Variants in GRID2 observed in about 807,000 individuals in gnomAD.
GRID2 encodes the protein glutamate ionotropic receptor delta type subunit 2, also known as glutamate receptor ionotropic, delta-2.
Under a neutral mutation model 114.8 loss-of-function variants are expected in GRID2, and 33 were observed. That is an observed-to-expected ratio of 0.29 (90% confidence interval 0.22 to 0.38). The LOEUF (loss-of-function observed/expected upper bound fraction) is 0.38. Ranked by LOEUF, GRID2 falls within the 10% of genes least tolerant of loss-of-function variation. The pLI is 1.00. For synonymous variants in GRID2, 505 were observed against 449.9 expected, an observed-to-expected ratio of 1.12 and a Z score of -1.55; for missense variants, 1,184 against 1,257.7, an observed-to-expected ratio of 0.94 and a Z score of 0.89.
intron 2 of GRID2, among the ~76,000 whole-genome samples, chr4:92,793,742 T>C (rs1739708297): frequency 6.6e-6 from 1 of 151,882 alleles, no homozygotes; most frequent in Non-Finnish European, 1.5e-5. Context: ...TTGGGCATGC[T>C]CTACCACTTT....
intron 2 of GRID2, among the ~76,000 whole-genome samples, chr4:92,711,225 G>T (rs1244726309): frequency 2.0e-5 from 3 of 152,086 alleles, no homozygotes; most frequent in Non-Finnish European, 4.4e-5. Context: ...ACATGCTAAT[G>T]GCAATTCATT....
chr4:92,683,006 T>A (rs764744698), intron 2 of GRID2, among the ~76,000 whole-genome samples: 6 of 152,068 alleles, frequency 3.9e-5, no homozygotes, highest in Non-Finnish European at 8.8e-5. Flanking sequence ...TTTAAAAATA[T>A]TCTAGTTAAT....
chr4:93,606,779 G>A (rs369356284), intron 13 of GRID2, among the ~76,000 whole-genome samples: 1 of 152,142 alleles, frequency 6.6e-6, no homozygotes, highest in African/African-American at 2.4e-5. Flanking sequence ...AAGCAACTAT[G>A]AGCATGTAAT....
intron 2 of GRID2, among the ~76,000 whole-genome samples, chr4:92,614,858 G>T (rs908144022): frequency 1.3e-5 from 2 of 150,248 alleles, no homozygotes; most frequent in South Asian, 4.2e-4. Flanking sequence ...GATTTGCCTC[G>T]CATATTTAGG....
chr4:93,728,740 A>G (rs908005106), intron 14 of GRID2, among the ~76,000 whole-genome samples: 5 of 152,068 alleles, frequency 3.3e-5, no homozygotes, highest in African/African-American at 1.2e-4. Flanking sequence ...CCATTATGTA[A>G]TGGCCTTCTT....
intron 2 of GRID2, among the ~76,000 whole-genome samples, chr4:92,945,474 C>G (rs1306079853): frequency 6.6e-6 from 1 of 152,066 alleles, no homozygotes; most frequent in Admixed American, 6.6e-5. Flanking sequence ...TTTTTTACAA[C>G]ATACTATTCA....
At chr4:93,093,435 G>T (rs926067177) in intron 3 of GRID2, among the ~76,000 whole-genome samples, 1 of 151,848 alleles carries the variant, frequency 6.6e-6, no homozygotes, top group African/African-American at 2.4e-5. Flanking sequence ...ATAGCGATAG[G>T]GATCTCTTTC....
intron 2 of GRID2, among the ~76,000 whole-genome samples, chr4:92,728,283 C>T (rs542869595): frequency 6.6e-6 from 1 of 152,176 alleles, no homozygotes; most frequent in South Asian, 2.1e-4. Flanking sequence ...CAGCTGAAAA[C>T]AACAAATATT....
At chr4:93,295,284 T>G (rs1426072486) in intron 8 of GRID2, among the ~76,000 whole-genome samples, 2 of 152,080 alleles carry the variant, frequency 1.3e-5, no homozygotes, top group African/African-American at 2.4e-5. Flanking sequence ...GAGTCTTGGA[T>G]TTTCCAACAT....
chr4:92,646,774 T>G, intron 2 of GRID2, among the ~76,000 whole-genome samples: 2 of 152,360 alleles, frequency 1.3e-5, no homozygotes, highest in South Asian at 4.1e-4. Context: ...ATTGCACCCA[T>G]TTTGTGAAAT....
At chr4:92,747,343 T>C (rs1737200177) in intron 2 of GRID2, among the ~76,000 whole-genome samples, 1 of 152,128 alleles carries the variant, frequency 6.6e-6, no homozygotes, top group Non-Finnish European at 1.5e-5. Context: ...AAATTGTTTT[T>C]ATTCAGGGAA....
At chr4:92,357,506 A>G (rs1290070910) in intron 1 of GRID2, among the ~76,000 whole-genome samples, 2 of 151,858 alleles carry the variant, frequency 1.3e-5, no homozygotes, top group Non-Finnish European at 2.9e-5. Flanking sequence ...AAGGATATAC[A>G]GTTGCTTTTG....
intron 2 of GRID2, among the ~76,000 whole-genome samples, chr4:92,820,379 A>T (rs1741198947): frequency 6.6e-6 from 1 of 152,192 alleles, no homozygotes; most frequent in Non-Finnish European, 1.5e-5. Context: ...CTTTAGATTT[A>T]AGCTGAAAGT....
intron 2 of GRID2, among the ~76,000 whole-genome samples, chr4:92,731,141 C>T (rs757389613): frequency 2.0e-5 from 3 of 151,792 alleles, no homozygotes; most frequent in Non-Finnish European, 4.4e-5. Context: ...ACATTTAATA[C>T]AACTTTGAGG....
At chr4:93,158,481 A>G (rs1470466688) in intron 4 of GRID2, among the ~76,000 whole-genome samples, 1 of 151,726 alleles carries the variant, frequency 6.6e-6, no homozygotes, top group African/African-American at 2.4e-5. Flanking sequence ...TATTAGGGCC[A>G]GGTACATATG....
chr4:93,278,094 T>C (rs559258836), intron 8 of GRID2, among the ~76,000 whole-genome samples: 3 of 151,974 alleles, frequency 2.0e-5, no homozygotes, highest in African/African-American at 4.8e-5. Flanking sequence ...ACATGGGCAG[T>C]ATATGGTCCT....
chr4:92,598,329 T>A (rs1321629943), intron 2 of GRID2, among the ~76,000 whole-genome samples: 1 of 152,166 alleles, frequency 6.6e-6, no homozygotes, highest in African/African-American at 2.4e-5. Flanking sequence ...ATGGTTAATT[T>A]GGCCTTTACT....
At position 93,527,106 on chromosome 4, in the gene GRID2, T is replaced by G. The variant is rs114140562; in HGVS notation, c.2193+11695T>G. On this transcript the variant is annotated intron_variant, in intron 13 of 15. Coordinates refer to ENST00000282020, the MANE Select transcript of GRID2 (RefSeq NM_001510.4). The stretch of plus-strand genomic sequence containing the variant: ...CTCCCTCTCCTCTCATTCTGATTTA[T>G]GTGTTCAGTGTTCTACAATTTTCTC... 3.6e-3 allele frequency among the ~76,000 whole-genome samples: 541 copies of G among 152,262 alleles called. 2 individuals are homozygous for G. Among genetic ancestry groups the G allele is most frequent in the African/African-American group, 0.013 (520 of 41,562 alleles).
intron 2 of GRID2, among the ~76,000 whole-genome samples, chr4:92,833,227 G>C (rs1387567623): frequency 6.6e-6 from 1 of 152,174 alleles, no homozygotes; most frequent in Non-Finnish European, 1.5e-5. Context: ...GGGGAAGTCT[G>C]TAATAAAATC....
Sources: allele counts gnomAD v4.1 joint callset (sites outside exome capture counted in the v4.1 genomes callset), GRCh38; gene constraint gnomAD v4.1.1; transcripts MANE v1.5; gene names NCBI Gene and HGNC (gene_info 2026-07-23, HGNC 2026-07-21).